Variants in RALGAPA2 observed in about 807,000 individuals in gnomAD.
The protein encoded by RALGAPA2 is Ral GTPase activating protein catalytic subunit alpha 2, also known as ral GTPase-activating protein subunit alpha-2.
In RALGAPA2, 139 loss-of-function variants were observed where a neutral mutation model predicts 230.4. The observed-to-expected ratio is 0.60, with a 90% CI of 0.53 to 0.69. The LOEUF (loss-of-function observed/expected upper bound fraction) is 0.69. Among genes scored for constraint, RALGAPA2 ranks in the 30% least tolerant of loss-of-function variants. The pLI is 0.00. For missense variants in RALGAPA2, 2,163 were observed against 2,276.0 expected (o/e 0.95, Z 1.01); for synonymous variants, 847 against 837.8 (o/e 1.01, Z -0.19).
chr20:20,437,845 C>T lies in RALGAPA2; in HGVS notation c.5496-25697G>A, dbSNP rs895332787. 2.6e-5 allele frequency among the ~76,000 whole-genome samples: 4 copies of T among 152,184 alleles called. No individual in the cohort carries two copies. The highest frequency in any genetic ancestry group is 4.4e-5 in the Non-Finnish European group (3 of 68,036). On this transcript the variant is annotated intron_variant, in intron 37 of 39. Transcript: ENST00000202677. This position sits in a 1 kb window ranked among gnomAD's most constrained non-coding sequence, Gnocchi z 4.1. ...CTTCCACTGGAATGGAAGTTCCATG[C>T]GGGCAGGAACTGTGGTATATCTAGC...
At position 20,512,652 on chromosome 20, in the gene RALGAPA2, C is replaced by A. The variant is rs2062748093; in HGVS notation, c.4717G>T (p.Glu1573Ter). 1 of 1,613,992 alleles carries A rather than the reference C, an allele frequency of 6.2e-7. No individual in the cohort carries two copies. The highest frequency in any genetic ancestry group is 2.2e-5 in the East Asian group (1 of 44,874). The change falls in exon 32 of 40, where the codon GAG becomes TAG. Residue 1573 changes from glutamate (E) to a stop codon, truncating the protein, a stop_gained. Transcript: ENST00000202677. LOFTEE classifies it high-confidence loss of function. Reference protein sequence around the residue: ...VILRQNAQEDEYIQSHNFDSA... With the variant: ...VILRQNAQED ...TCGAAGTTATGACTCTGGATATACT[C>A]ATCCTCTTGAGCATTTTGGCGCAAA...
At chr20:20,490,158 T>G (rs1428016923) in intron 36 of RALGAPA2, among the ~76,000 whole-genome samples, 1 of 152,226 alleles carries the variant, frequency 6.6e-6, no homozygotes, top group Non-Finnish European at 1.5e-5. Context: ...TCTTTAGTAT[T>G]CTTCAGCAAC....
At chr20:20,473,202 C>T (rs369738280) in intron 36 of RALGAPA2, among the ~76,000 whole-genome samples, 2 of 152,142 alleles carry the variant, frequency 1.3e-5, no homozygotes, top group East Asian at 1.9e-4. Context: ...CCAGGTTCTT[C>T]GTTTTTTCTC....
intron 37 of RALGAPA2, among the ~76,000 whole-genome samples, chr20:20,435,348 G>C (rs2060587055): frequency 6.6e-6 from 1 of 152,214 alleles, no homozygotes; most frequent in South Asian, 2.1e-4. Flanking sequence ...TCACCACCCT[G>C]GGCAGACAGC....
intron 9 of RALGAPA2, 140 bp downstream of exon 9, chr20:20,635,278 C>A (rs1217090633): frequency 2.4e-6 from 2 of 846,214 alleles, no homozygotes; most frequent in Non-Finnish European, 3.8e-6. Flanking sequence ...GCATTACAGA[C>A]AGGGTAGGCC....
intron 3 of RALGAPA2, among the ~76,000 whole-genome samples, chr20:20,671,197 T>C (rs1175262583): frequency 2.6e-5 from 4 of 152,212 alleles, no homozygotes; most frequent in African/African-American, 9.7e-5. Flanking sequence ...TCCAATACTC[T>C]ACATCTAAAA....
intron 37 of RALGAPA2, among the ~76,000 whole-genome samples, chr20:20,433,234 C>T (rs944966014): frequency 1.6e-4 from 24 of 152,208 alleles, no homozygotes; most frequent in African/African-American, 5.5e-4. Flanking sequence ...CACTTTATAG[C>T]TGAAGAAATT....
chr20:20,403,400 T>C (rs1234862598), intron 38 of RALGAPA2, among the ~76,000 whole-genome samples: 1 of 152,312 alleles, frequency 6.6e-6, no homozygotes, highest in Admixed American at 6.5e-5. Context: ...TCCCTCTGTG[T>C]CCCCGGGTCT....
chr20:20,473,858 T>C (rs1051303167), intron 36 of RALGAPA2, among the ~76,000 whole-genome samples: 8 of 152,230 alleles, frequency 5.3e-5, no homozygotes, highest in African/African-American at 1.2e-4. Flanking sequence ...GTAACTCTTA[T>C]ATTCATTCAC....
intron 36 of RALGAPA2, among the ~76,000 whole-genome samples, chr20:20,477,985 A>C (rs1415328521): frequency 1.3e-5 from 2 of 152,208 alleles, no homozygotes; most frequent in Non-Finnish European, 2.9e-5. Flanking sequence ...CTGGCCCTTT[A>C]CAAAAAATGT....
chr20:20,572,065 T>C (rs2064660653), intron 21 of RALGAPA2, 119 bp from the exon 22 acceptor site: 2 of 669,156 alleles, frequency 3.0e-6, no homozygotes, highest in Non-Finnish European at 5.2e-6. Flanking sequence ...TGAAAACCTG[T>C]AATATTTACA....
chr20:20,402,763 TC>T (rs112674018), intron 38 of RALGAPA2, among the ~76,000 whole-genome samples: 2 of 152,270 alleles, frequency 1.3e-5, no homozygotes, highest in African/African-American at 4.8e-5. Context: ...CAGTGCACCC[TC>T]CCCACTGAAG....
chr20:20,502,581 A>G (rs6137048), intron 35 of RALGAPA2, among the ~76,000 whole-genome samples: 13,211 of 152,196 alleles, frequency 0.087, 833 homozygotes, highest in African/African-American at 0.17. Flanking sequence ...CTGTCACCGG[A>G]GCCTGGCTAT....
In RALGAPA2 at chr20:20,694,922, A is replaced by G. The variant is rs182848070; in HGVS notation, c.107-14121T>C. 3.3e-5 allele frequency among the ~76,000 whole-genome samples: 5 copies of G among 152,352 alleles called. No individual in the cohort carries two copies. In the East Asian group the frequency reaches 5.8e-4, roughly 18 times the overall value. Reference sequence around the variant, plus strand: ...CCTAAATTATTTTTCATATATTCATATTATCCAAATGTTTATAATGAGTAT... The same window carrying G: ...CCTAAATTATTTTTCATATATTCATGTTATCCAAATGTTTATAATGAGTAT... On this transcript the variant is annotated intron_variant, in intron 1 of 39. Transcript: ENST00000202677.
intron 3 of RALGAPA2, among the ~76,000 whole-genome samples, chr20:20,664,187 G>C (rs933138172): frequency 6.6e-6 from 1 of 152,218 alleles, no homozygotes; most frequent in Non-Finnish European, 1.5e-5. Flanking sequence ...CAAAACCTCA[G>C]AAGGTGAAAC....
In RALGAPA2 at chr20:20,392,262, T is replaced by TCAA. The variant is rs1173881858; in HGVS notation, c.*1026_*1027insTTG. On this transcript the variant is annotated 3_prime_UTR_variant, in exon 40 of 40. Transcript: ENST00000202677. ...GCCAAATGGGCAAAAATGTAAGGAT[T>TCAA]AAATCCCTCGCTTGGAATCGGCTAC... The TCAA allele has an allele frequency of 1.8e-4, 28 of 152,232 alleles. No individual in the cohort carries two copies. The highest frequency in any genetic ancestry group is 6.5e-4 in the African/African-American group (27 of 41,448). The allele number at this position is 152,232 out of a possible 1,614,324, so 9.4% of individuals were successfully genotyped here.
At chr20:20,574,551 T>C (rs2064759352) in intron 20 of RALGAPA2, among the ~76,000 whole-genome samples, 1 of 152,174 alleles carries the variant, frequency 6.6e-6, no homozygotes, top group African/African-American at 2.4e-5. Flanking sequence ...AATAAGCCTT[T>C]GAATTTTTAG....
chr20:20,664,037 C>T (rs954381346), intron 3 of RALGAPA2, among the ~76,000 whole-genome samples: 2 of 152,208 alleles, frequency 1.3e-5, no homozygotes, highest in Non-Finnish European at 2.9e-5. Context: ...AAGAATGATT[C>T]ATATCCCAGG....
chr20:20,525,479 T>C (rs2063172727), intron 28 of RALGAPA2, among the ~76,000 whole-genome samples: 1 of 152,224 alleles, frequency 6.6e-6, no homozygotes, highest in Admixed American at 6.5e-5. Context: ...AACAAAGTGT[T>C]CTTTCCAGTG....
Sources: allele counts gnomAD v4.1 joint callset (sites outside exome capture counted in the v4.1 genomes callset), GRCh38; gene constraint gnomAD v4.1.1; non-coding constraint Gnocchi (gnomAD v3.1); transcripts MANE v1.5; gene names NCBI Gene and HGNC (gene_info 2026-07-23, HGNC 2026-07-21).